The following INPP4B variants were observed in gnomAD, a reference collection of about 807,000 sequenced individuals.
INPP4B encodes the protein inositol polyphosphate-4-phosphatase type II B, also known as inositol polyphosphate 4-phosphatase type II.
INPP4B carries 55 observed loss-of-function variants against 122.5 expected under a neutral mutation model. The ratio of observed to expected loss-of-function variants is 0.45; its 90% CI spans 0.36 to 0.56. The LOEUF is 0.56. Among genes scored for constraint, INPP4B ranks in the 20% least tolerant of loss-of-function variants. The probability of loss-of-function intolerance (pLI) is 0.00; values close to 1 mark genes in which losing one functional copy is unlikely to be tolerated. For missense variants in INPP4B, 1,000 were observed against 1,097.7 expected, an observed-to-expected ratio of 0.91 and a Z score of 1.26; for synonymous variants, 403 against 388.7, an observed-to-expected ratio of 1.04 and a Z score of -0.43.
intron 11 of INPP4B, among the ~76,000 whole-genome samples, chr4:142,243,038 C>T (rs1236198867): frequency 1.3e-5 from 2 of 152,160 alleles, no homozygotes; most frequent in East Asian, 3.9e-4. Context: ...ATGAAGAGAG[C>T]AGGTACACCA....
chr4:142,195,972 G>A (rs889643316), intron 14 of INPP4B, among the ~76,000 whole-genome samples: 6 of 152,146 alleles, frequency 3.9e-5, no homozygotes, highest in African/African-American at 1.4e-4. Flanking sequence ...TCTGGGAACA[G>A]AAACAGTCTC....
rs139631287 is a variant in INPP4B, at chr4:142,172,723, C to T, written c.1359+909G>A. On this transcript the variant is annotated intron_variant, in intron 16 of 25. Coordinates refer to ENST00000262992, the MANE Select transcript of INPP4B (RefSeq NM_001101669.3). ...AACATACCTGAATAAAAAGTATGGA[C>T]ATACATAAGATCCAGGTTTCTATGA... 4.4e-3 allele frequency among the ~76,000 whole-genome samples: 674 copies of T among 152,010 alleles called. 3 individuals are homozygous for T. Among genetic ancestry groups the T allele is most frequent in the African/African-American group, 0.015 (636 of 41,496 alleles).
intron 2 of INPP4B, among the ~76,000 whole-genome samples, chr4:142,515,307 A>G (rs911652904): frequency 6.6e-6 from 1 of 152,120 alleles, no homozygotes; most frequent in Non-Finnish European, 1.5e-5. Flanking sequence ...CCTGAAACCC[A>G]CTAACTCTTG....
At chr4:142,579,881 A>G (rs1376554168) in intron 2 of INPP4B, among the ~76,000 whole-genome samples, 1 of 96,226 alleles carries the variant, frequency 1.0e-5, no homozygotes, top group African/African-American at 3.7e-5. Flanking sequence ...ATAGGTAGGT[A>G]GATAGATAGA....
chr4:142,838,961 T>C (rs964455225), intron 1 of INPP4B, among the ~76,000 whole-genome samples: 1 of 152,210 alleles, frequency 6.6e-6, no homozygotes, highest in Non-Finnish European at 1.5e-5. Context: ...TACATGAGGG[T>C]GTGGCTGCCA....
rs763842337 is a variant in INPP4B at position 142,260,553 on chromosome 4, T to C, written c.627A>G (p.Val209=). Residue 209 remains valine, a synonymous_variant, in exon 11 of 26, where the codon GTA becomes GTG. Transcript: ENST00000262992. ...CACTTTCCGGGGCTGTACATTCACA[T>C]ACCAGGGCACACTAGGAAAAAATGT... ...TDVQGQKCAL[V]CECTAPESVS... is the part of the protein sequence containing the mutation. 19 of 1,579,944 alleles carry C rather than the reference T, an allele frequency of 1.2e-5. No homozygotes were observed. The South Asian group carries it at 2.1e-4, about 17-fold the overall frequency.
At chr4:142,806,582 A>G (rs1268831051) in intron 1 of INPP4B, among the ~76,000 whole-genome samples, 6 of 151,640 alleles carry the variant, frequency 4.0e-5, no homozygotes. Context: ...TCTCTACAAA[A>G]AAATACAAAA....
At chr4:142,666,700 TG>T (rs1222966169) in intron 2 of INPP4B, among the ~76,000 whole-genome samples, 1 of 152,132 alleles carries the variant, frequency 6.6e-6, no homozygotes, top group Non-Finnish European at 1.5e-5. Flanking sequence ...GAACACCTAC[TG>T]TTTGTTAATG....
rs190273867 is a variant in INPP4B, at chr4:142,838,950, T to C, written c.-254+7259A>G. Among the ~76,000 whole-genome samples the C allele has an allele frequency of 3.7e-3, 565 of 152,346 alleles. 2 individuals are homozygous for C. The highest frequency in any genetic ancestry group is 0.013 in the African/African-American group (538 of 41,576). On this transcript the variant is annotated intron_variant, in intron 1 of 25. Coordinates refer to ENST00000262992, the MANE Select transcript of INPP4B (RefSeq NM_001101669.3). ...AGAATATGTCAACCAGTGCTTCAAG[T>C]TACATGAGGGTGTGGCTGCCAGGCC...
chr4:142,106,026 T>C (rs1459337787), intron 23 of INPP4B, among the ~76,000 whole-genome samples: 4 of 152,172 alleles, frequency 2.6e-5, no homozygotes, highest in African/African-American at 7.2e-5. Flanking sequence ...ATTGTATAGA[T>C]TGGAGTTGTA....
At chr4:142,362,941 C>A (rs1405180624) in intron 7 of INPP4B, among the ~76,000 whole-genome samples, 2 of 152,052 alleles carry the variant, frequency 1.3e-5, no homozygotes, top group South Asian at 4.2e-4. Flanking sequence ...CAGCCTCATG[C>A]AATATATCCT....
chr4:142,284,250 A>T (rs1397451593), intron 9 of INPP4B, among the ~76,000 whole-genome samples: 2 of 152,166 alleles, frequency 1.3e-5, no homozygotes, highest in Non-Finnish European at 2.9e-5. Context: ...TAAACAGGAG[A>T]TTTGATGGCA....
intron 7 of INPP4B, among the ~76,000 whole-genome samples, chr4:142,325,046 T>C (rs1286146877): frequency 2.0e-5 from 3 of 152,190 alleles, no homozygotes; most frequent in African/African-American, 7.2e-5. Context: ...AGCTCAGCGT[T>C]GAAAGGTTCT....
chr4:142,806,002 CG>C (rs1393526607), intron 1 of INPP4B, among the ~76,000 whole-genome samples: 2 of 152,094 alleles, frequency 1.3e-5, no homozygotes, highest in African/African-American at 4.8e-5. Flanking sequence ...AAAAAGAGGC[CG>C]GGTGCAGTAG....
intron 2 of INPP4B, chr4:142,518,700 T>C (rs757245548): frequency 6.6e-6 from 1 of 152,200 alleles, no homozygotes; most frequent in Non-Finnish European, 1.5e-5. Context: ...TCATTCACTC[T>C]AGGAGAGCCT....
At chr4:142,138,631 C>A (rs898597433) in intron 18 of INPP4B, among the ~76,000 whole-genome samples, 4 of 152,114 alleles carry the variant, frequency 2.6e-5, no homozygotes, top group African/African-American at 7.2e-5. Flanking sequence ...TGAATCCTTG[C>A]TTGGATGCCC....
At chr4:142,505,974 A>G (rs1378989847) in intron 2 of INPP4B, among the ~76,000 whole-genome samples, 1 of 152,164 alleles carries the variant, frequency 6.6e-6, no homozygotes. Flanking sequence ...ACCACATGCC[A>G]GGCTCTGTGT....
chr4:142,630,814 G>T (rs1469079510), intron 2 of INPP4B, among the ~76,000 whole-genome samples: 1 of 152,112 alleles, frequency 6.6e-6, no homozygotes, highest in Non-Finnish European at 1.5e-5. Flanking sequence ...TGGTAGGTAA[G>T]TCTATCTCTT....
intron 1 of INPP4B, among the ~76,000 whole-genome samples, chr4:142,841,340 G>A (rs943724999): frequency 1.3e-5 from 2 of 151,864 alleles, no homozygotes; most frequent in Non-Finnish European, 1.5e-5. Context: ...TGTTTTGGTT[G>A]TTCTAATGGC....
Sources: allele counts gnomAD v4.1 joint callset (sites outside exome capture counted in the v4.1 genomes callset), GRCh38; gene constraint gnomAD v4.1.1; transcripts MANE v1.5; gene names NCBI Gene and HGNC (gene_info 2026-07-23, HGNC 2026-07-21).